Variants in ANKRD1 observed in about 807,000 individuals in gnomAD.
The protein encoded by ANKRD1 is ankyrin repeat domain-containing protein 1.
Under a neutral mutation model 40.1 loss-of-function variants are expected in ANKRD1, and 32 were observed. That is an observed-to-expected ratio of 0.80 (90% CI 0.60 to 1.07). The LOEUF is 1.07. Among genes scored for constraint, ANKRD1 ranks in the 50% least tolerant of loss-of-function variants. The probability of loss-of-function intolerance (pLI) is 0.00; values close to 1 mark genes in which losing one functional copy is unlikely to be tolerated. For synonymous variants in ANKRD1, 149 were observed against 141.2 expected (o/e 1.06, Z -0.39); for missense variants, 359 against 386.0 (o/e 0.93, Z 0.59).
chr10:90,912,874 T>C lies in ANKRD1; in HGVS notation c.952A>G (p.Thr318Ala). The C allele has an allele frequency of 6.2e-7, 1 of 1,613,898 alleles. No homozygotes were observed. Among genetic ancestry groups the C allele is most frequent in the East Asian group, 2.2e-5 (1 of 44,878 alleles). ...AGAGTCTGTCGTTTGCCTCAGAATG[T>C]AGCTATGCGAGAGGTCTTGTAGGAG... Reference protein sequence around the residue: ...ENSYKTSRIATF With the variant: ...ENSYKTSRIAAF The change falls in exon 9 of 9, where the codon ACA becomes GCA. Residue 318 changes from threonine to alanine, a missense_variant. Coordinates refer to ENST00000371697, the MANE Select transcript of ANKRD1 (RefSeq NM_014391.3).
intron 1 of ANKRD1, among the ~76,000 whole-genome samples, chr10:90,920,753 C>A (rs1241952537): frequency 6.6e-6 from 1 of 152,112 alleles, no homozygotes; most frequent in African/African-American, 2.4e-5. Flanking sequence ...GATAACTACA[C>A]GTGATTCCAC....
At chr10:90,913,014 G>T (rs1847334325) in intron 8 of ANKRD1, 38 bp from the exon 9 acceptor site, 2 of 1,549,124 alleles carry the variant, frequency 1.3e-6, no homozygotes. Flanking sequence ...CTTTCAGGTG[G>T]GTGACATCTG....
rs746392266 is a variant in ANKRD1, at chr10:90,912,882, C to G, written c.944G>C (p.Arg315Pro). Residue 315 changes from arginine (R) to proline (P), a missense_variant, in exon 9 of 9, where the codon CGC becomes CCC. Coordinates refer to ENST00000371697, the MANE Select transcript of ANKRD1 (RefSeq NM_014391.3). ...TCGTTTGCCTCAGAATGTAGCTATG[C>G]GAGAGGTCTTGTAGGAGTTCTCTCT... ...SLRENSYKTSRIATF is the reference protein window; with the variant it reads ...SLRENSYKTSPIATF The G allele has an allele frequency of 9.9e-6, 16 of 1,613,700 alleles. No homozygotes were observed. The highest frequency in any genetic ancestry group is 1.7e-5 in the Admixed American group (1 of 59,990).
In ANKRD1 at chr10:90,912,488, C is replaced by G; in HGVS notation, c.*378G>C. The G allele has an allele frequency of 4.0e-6, 1 of 251,114 alleles. No individual in the cohort carries two copies. The highest frequency in any genetic ancestry group is 9.8e-5 in the East Asian group (1 of 10,246). The allele number at this position is 251,114 out of a possible 1,614,324, so 15.6% of individuals were successfully genotyped here. On this transcript the variant is annotated 3_prime_UTR_variant, in exon 9 of 9. Transcript: ENST00000371697. The stretch of plus-strand genomic sequence containing the variant: ...GTGATAATCAGCCCTCTCTTAAAAA[C>G]TCTTACATGAGCGAATGACACATAA...
At position 90,920,291 on chromosome 10, in the gene ANKRD1, T is replaced by G; in HGVS notation, c.85A>C (p.Arg29=). 6.2e-7 allele frequency: 1 copy of G among 1,614,194 alleles called. No homozygotes were observed. The highest frequency in any genetic ancestry group is 8.5e-7 in the Non-Finnish European group (1 of 1,180,022). Reference sequence around the variant, plus strand: ...ACAGCAGCTTCATACTCTCCATCTCTGAAATCCTCAGGAAGGAATTCCCCT... The same window carrying G: ...ACAGCAGCTTCATACTCTCCATCTCGGAAATCCTCAGGAAGGAATTCCCCT... ...EAGEFLPEDF[R]DGEYEAAVTL... Residue 29 remains arginine, a synonymous_variant, in exon 2 of 9, where the codon AGA becomes CGA. Transcript: ENST00000371697.
At chr10:90,920,489 G>A (rs1847425703) in intron 1 of ANKRD1, 141 bp from the exon 2 acceptor site, 1 of 856,716 alleles carries the variant, frequency 1.2e-6, no homozygotes, top group Admixed American at 1.8e-5. Flanking sequence ...ATCTCAAGCT[G>A]CGATGCACAC....
chr10:90,916,228 G>A lies in ANKRD1; in HGVS notation c.594C>T (p.Asn198=). ...TCAGCAACAATTTTAAAACATCCAG[G>A]TTTCCTCCACGGCTTGCCCAGTGGA... ...TAIHWASRGG[N]LDVLKLLLNK... is the part of the protein sequence containing the mutation. Residue 198 remains asparagine (N), a synonymous_variant, in exon 6 of 9, where the codon AAC becomes AAT. Coordinates refer to ENST00000371697, the MANE Select transcript of ANKRD1 (RefSeq NM_014391.3). 1 of 1,614,066 alleles carries A rather than the reference G, an allele frequency of 6.2e-7. No homozygotes were observed. Among genetic ancestry groups the A allele is most frequent in the Non-Finnish European group, 8.5e-7 (1 of 1,180,004 alleles).
chr10:90,920,366 G>A lies in ANKRD1; in HGVS notation c.28-18C>T. The A allele has an allele frequency of 6.2e-7, 1 of 1,613,726 alleles. No homozygotes were observed. Among genetic ancestry groups the A allele is most frequent in the Non-Finnish European group, 8.5e-7 (1 of 1,179,912 alleles). Reference sequence around the variant, plus strand: ...CCAGTGACCTATGAGGGAAGAAGATGGCAGCGTCAGAAGCAGCAGCCTCGT... The same window carrying A: ...CCAGTGACCTATGAGGGAAGAAGATAGCAGCGTCAGAAGCAGCAGCCTCGT... On this transcript the variant is annotated intron_variant, in intron 1 of 8. Transcript: ENST00000371697.
chr10:90,921,087 T>A lies in ANKRD1; in HGVS notation c.-60A>T. 4 of 1,540,884 alleles carry A rather than the reference T, an allele frequency of 2.6e-6. No individual in the cohort carries two copies. Among genetic ancestry groups the A allele is most frequent in the Non-Finnish European group, 3.6e-6 (4 of 1,113,690 alleles). Reference sequence around the variant, plus strand: ...TGGAAGGAATCCCTGGAGTTGGCCCTGCTGGGCCCCTCCACACCGGTCAGC... The same window carrying A: ...TGGAAGGAATCCCTGGAGTTGGCCCAGCTGGGCCCCTCCACACCGGTCAGC... On this transcript the variant is annotated 5_prime_UTR_variant, in exon 1 of 9. Coordinates refer to ENST00000371697, the MANE Select transcript of ANKRD1 (RefSeq NM_014391.3).
At chr10:90,919,991 T>C (rs1033946771) in intron 2 of ANKRD1, among the ~76,000 whole-genome samples, 178 bp downstream of exon 2, 3 of 152,236 alleles carry the variant, frequency 2.0e-5, no homozygotes, top group Admixed American at 6.5e-5. Context: ...GAGGTCATAG[T>C]CTTGTCAAAG....
chr10:90,912,456 G>T lies in ANKRD1; in HGVS notation c.*410C>A, dbSNP rs1847325658. The T allele has an allele frequency of 5.3e-6, 1 of 189,036 alleles. No homozygotes were observed. The highest frequency in any genetic ancestry group is 1.1e-5 in the Non-Finnish European group (1 of 89,572). 11.7% of individuals were successfully genotyped at this position (189,036 alleles called of 1,614,324 possible). Reference sequence around the variant, plus strand: ...TCTGCATTAAAAATTCAGGAGAAAAGAGGGCTGTGATAATCAGCCCTCTCT... The same window carrying T: ...TCTGCATTAAAAATTCAGGAGAAAATAGGGCTGTGATAATCAGCCCTCTCT... On this transcript the variant is annotated 3_prime_UTR_variant, in exon 9 of 9. Coordinates refer to ENST00000371697, the MANE Select transcript of ANKRD1 (RefSeq NM_014391.3).
In ANKRD1 at chr10:90,919,346, C is replaced by T. The variant is rs1363278951; in HGVS notation, c.208-78G>A. The T allele has an allele frequency of 6.8e-6, 9 of 1,333,086 alleles. No homozygotes were observed. In the East Asian group the frequency reaches 1.9e-4, roughly 28 times the overall value. 82.6% of individuals were successfully genotyped at this position (1,333,086 alleles called of 1,614,324 possible). A position where few individuals can be genotyped will look rare whatever the true frequency, so the allele number is the denominator to read the frequency against. ...TCTGGTTGTGTCTAAACTAAATCTG[C>T]AAGGTCTGAGATAAACATGTGAACA... On this transcript the variant is annotated intron_variant, in intron 2 of 8. Coordinates refer to ENST00000371697, the MANE Select transcript of ANKRD1 (RefSeq NM_014391.3).
intron 1 of ANKRD1, 146 bp from the exon 2 acceptor site, chr10:90,920,494 G>T: frequency 1.2e-6 from 1 of 831,196 alleles, no homozygotes; most frequent in Non-Finnish European, 2.0e-6. Flanking sequence ...AAGCTGCGAT[G>T]CACACTGCTA....
rs778238821 is a variant in ANKRD1, at chr10:90,918,960, C to G, written c.358G>C (p.Asp120His). Residue 120 changes from aspartate to histidine, a missense_variant, in exon 4 of 9, where the codon GAT becomes CAT. Physicochemically the swap from Asp to His is moderately conservative, Grantham distance 81. Coordinates refer to ENST00000371697, the MANE Select transcript of ANKRD1 (RefSeq NM_014391.3). ...GCAGCCTTCAGAAACGTAGGCACAT[C>G]CACAGGTTCCGTCTAAAGCCAAAAT... Reference protein sequence around the residue: ...PEPEIITEPVDVPTFLKAALE... With the variant: ...PEPEIITEPVHVPTFLKAALE... The G allele has an allele frequency of 3.1e-6, 5 of 1,596,298 alleles. No individual in the cohort carries two copies. Among genetic ancestry groups the G allele is most frequent in the Non-Finnish European group, 4.3e-6 (5 of 1,175,164 alleles).
At position 90,912,788 on chromosome 10, in the gene ANKRD1, A is replaced by T. The variant is rs557441275; in HGVS notation, c.*78T>A. On this transcript the variant is annotated 3_prime_UTR_variant, in exon 9 of 9. Coordinates refer to ENST00000371697, the MANE Select transcript of ANKRD1 (RefSeq NM_014391.3). ...CGTTGATAAATAGAAACTAGATTTT[A>T]TGGCTAGTGTCTCTTCTCTTGGGCC... 29 of 1,299,366 alleles carry T rather than the reference A, an allele frequency of 2.2e-5. No homozygotes were observed. Among genetic ancestry groups the T allele is most frequent in the Non-Finnish European group, 3.0e-5 (27 of 894,766 alleles). 80.5% of individuals were successfully genotyped at this position (1,299,366 alleles called of 1,614,324 possible). A position where few individuals can be genotyped will look rare whatever the true frequency, so the allele number is the denominator to read the frequency against.
chr10:90,915,107 A>T (rs1156824949), intron 8 of ANKRD1, among the ~76,000 whole-genome samples: 2 of 152,202 alleles, frequency 1.3e-5, no homozygotes, highest in Admixed American at 1.3e-4. Context: ...CAGATTGGAT[A>T]TTGATTAACC....
At position 90,912,671 on chromosome 10, in the gene ANKRD1, A is replaced by G. The variant is rs953463320; in HGVS notation, c.*195T>C. 2 of 561,116 alleles carry G rather than the reference A, an allele frequency of 3.6e-6. No individual in the cohort carries two copies. Among genetic ancestry groups the G allele is most frequent in the Non-Finnish European group, 6.4e-6 (2 of 313,050 alleles). 34.8% of individuals were successfully genotyped at this position (561,116 alleles called of 1,614,324 possible). A position where few individuals can be genotyped will look rare whatever the true frequency, so the allele number is the denominator to read the frequency against. On this transcript the variant is annotated 3_prime_UTR_variant, in exon 9 of 9. Transcript: ENST00000371697. The stretch of plus-strand genomic sequence containing the variant: ...TGGCAGTAAATAAATAAACAGGAAT[A>G]CATAAAAATAAATAAGAGTTTCACT...
At chr10:90,919,394 A>T in intron 2 of ANKRD1, 126 bp from the exon 3 acceptor site, 1 of 767,980 alleles carries the variant, frequency 1.3e-6, no homozygotes, top group Non-Finnish European at 2.0e-6. Context: ...ACATTTTTTA[A>T]AAATTATATA....
chr10:90,916,099 G>A, intron 6 of ANKRD1, 72 bp downstream of exon 6: 1 of 873,348 alleles, frequency 1.1e-6, no homozygotes, highest in Non-Finnish European at 1.7e-6. Context: ...GGGAAGAGTG[G>A]GAGAAGTGGA....
Sources: gnomAD v4.1 joint callset for allele counts (sites outside exome capture counted in the v4.1 genomes callset) on GRCh38, gnomAD v4.1.1 for gene constraint, MANE v1.5 for transcripts, NCBI Gene and HGNC (gene_info 2026-07-23, HGNC 2026-07-21) for gene names.